The following OTULIN variants were observed in gnomAD, a reference collection of about 807,000 sequenced individuals.
The protein encoded by OTULIN is OTU deubiquitinase with linear linkage specificity.
Under a neutral mutation model 39.6 loss-of-function variants are expected in OTULIN, and 15 were observed. The ratio of observed to expected loss-of-function variants is 0.38; its 90% confidence interval spans 0.25 to 0.58. The LOEUF is 0.58. OTULIN is among the 20% of genes least tolerant of loss of function. OTULIN has a pLI of 0.66. For synonymous variants in OTULIN, 156 were observed against 170.3 expected (o/e 0.92, Z 0.65); for missense variants, 319 against 445.9 (o/e 0.72, Z 2.56).
At chr5:14,679,810 C>T (rs926318586) in intron 3 of OTULIN, among the ~76,000 whole-genome samples, 5 of 152,182 alleles carry the variant, frequency 3.3e-5, no homozygotes, top group African/African-American at 4.8e-5. Context: ...TATGTAGATG[C>T]TTTGTGTTTT....
At chr5:14,686,002 A>G (rs1467839632) in intron 4 of OTULIN, among the ~76,000 whole-genome samples, 1 of 152,156 alleles carries the variant, frequency 6.6e-6, no homozygotes, top group African/African-American at 2.4e-5. Flanking sequence ...GTGGGTGGTC[A>G]TTTGTTATTC....
At chr5:14,700,708 C>G (rs1164488570), downstream of OTULIN, among the ~76,000 whole-genome samples, 2 of 150,348 alleles carry the variant, frequency 1.3e-5, no homozygotes, top group Non-Finnish European at 3.0e-5. Flanking sequence ...TCACGGAGCT[C>G]TTGTGCATTT....
chr5:14,689,818 T>C (rs1042897992), intron 5 of OTULIN, among the ~76,000 whole-genome samples: 2 of 152,234 alleles, frequency 1.3e-5, no homozygotes, highest in Non-Finnish European at 1.5e-5. Flanking sequence ...GTGCTTCTTA[T>C]TGCATTGTAT....
At chr5:14,711,655 C>T in the OTULIN span, among the ~76,000 whole-genome samples, 1 of 152,192 alleles carries the variant, frequency 6.6e-6, no homozygotes, top group Non-Finnish European at 1.5e-5. Flanking sequence ...CTTCTCCTTC[C>T]TCCTCCCTAA....
intron 4 of OTULIN, among the ~76,000 whole-genome samples, chr5:14,685,471 T>C (rs1174530434): frequency 1.3e-5 from 2 of 152,272 alleles, no homozygotes; most frequent in Admixed American, 6.5e-5. Context: ...TTCCATGTGC[T>C]GTGACCTCTG....
chr5:14,677,522 C>G (rs1242368041), intron 2 of OTULIN, among the ~76,000 whole-genome samples: 1 of 152,202 alleles, frequency 6.6e-6, no homozygotes, highest in Non-Finnish European at 1.5e-5. Context: ...CTTCCTAAAA[C>G]ACACACACTA....
chr5:14,715,382 C>T, the OTULIN span, among the ~76,000 whole-genome samples: 8 of 152,118 alleles, frequency 5.3e-5, no homozygotes, highest in Admixed American at 3.9e-4. Context: ...CCACCTGCCT[C>T]GGACTACCAA....
In OTULIN at chr5:14,664,793, G is replaced by A. The variant is rs766959903; in HGVS notation, c.-33G>A. On this transcript the variant is annotated 5_prime_UTR_variant, in exon 1 of 7. Transcript: ENST00000284274. ...CGGGAGGGGCTCCGGATCGTTCGGA[G>A]CCGGCTGAACCCCTTCGGCCGCGAG... 12 of 1,189,600 alleles carry A rather than the reference G, an allele frequency of 1.0e-5. No homozygotes were observed. The highest frequency in any genetic ancestry group is 1.0e-5 in the Non-Finnish European group (10 of 959,224). The allele number at this position is 1,189,600 out of a possible 1,614,324, so 73.7% of individuals were successfully genotyped here.
the OTULIN span, among the ~76,000 whole-genome samples, chr5:14,711,633 A>ACCTGTAGACTGCT: frequency 6.6e-6 from 1 of 152,094 alleles, no homozygotes; most frequent in South Asian, 2.1e-4. Flanking sequence ...CCTCACAGTC[A>ACCTGTAGACTGCT]CCTGTAGACT....
intron 1 of OTULIN, among the ~76,000 whole-genome samples, chr5:14,667,671 A>T (rs918687772): frequency 2.6e-5 from 4 of 152,158 alleles, no homozygotes; most frequent in Non-Finnish European, 4.4e-5. Flanking sequence ...CACAGTGCCC[A>T]GTGATGAACT....
rs557974362 is a variant in OTULIN at position 14,678,615 on chromosome 5, T to C, written c.230-66T>C. ...TGAAGAGTGAAGGGTAACCCCCAAC[T>C]GAAGCAGTATTCTGATTATGCTTTG... On this transcript the variant is annotated intron_variant, in intron 2 of 6. Coordinates refer to ENST00000284274, the MANE Select transcript of OTULIN (RefSeq NM_138348.6). The C allele has an allele frequency of 8.4e-5, 95 of 1,128,616 alleles. 1 individual carries two copies. The South Asian group carries it at 1.6e-3, about 19-fold the overall frequency. The allele number at this position is 1,128,616 out of a possible 1,614,324, so 69.9% of individuals were successfully genotyped here. A position where few individuals can be genotyped will look rare whatever the true frequency, so the allele number is the denominator to read the frequency against.
At chr5:14,708,977 C>T in the OTULIN span, 1 of 152,054 alleles carries the variant, frequency 6.6e-6, no homozygotes, top group East Asian at 1.9e-4. Context: ...ACTACAACCT[C>T]TGCCTCCCAG....
rs758887008 is a variant in OTULIN, at chr5:14,693,869, T to A, written c.*821T>A. ...GGAGTCTGGGGCTTGGTGCAGGTGG[T>A]GCCCCATCAGTGTGGACAGACACTA... On this transcript the variant is annotated 3_prime_UTR_variant, in exon 7 of 7. Transcript: ENST00000284274. The A allele has an allele frequency of 1.3e-5, 2 of 152,242 alleles. No individual in the cohort carries two copies. The highest frequency in any genetic ancestry group is 2.9e-5 in the Non-Finnish European group (2 of 68,066). The allele number at this position is 152,242 out of a possible 1,614,324, so 9.4% of individuals were successfully genotyped here.
rs968096028 is a variant in OTULIN, at chr5:14,690,592, G to A, written c.864+284G>A. 3.3e-4 allele frequency among the ~76,000 whole-genome samples: 50 copies of A among 152,146 alleles called. No homozygotes were observed. The highest frequency in any genetic ancestry group is 1.2e-3 in the African/African-American group (49 of 41,432). ...AGGAGGGTTCAGTTCTTCACACATA[G>A]GCCTCCACAGGGCTGCTTGAGTGTC... is the stretch of plus-strand genomic sequence containing the variant. On this transcript the variant is annotated intron_variant, in intron 6 of 6. Transcript: ENST00000284274. The surrounding 1 kb of genome is among the most constrained non-coding windows in gnomAD (Gnocchi z 4.5).
At position 14,696,484 on chromosome 5, in the gene OTULIN, G is replaced by A. The variant is rs1736672499; in HGVS notation, c.*3436G>A. The A allele has an allele frequency of 6.6e-6, 1 of 152,184 alleles. No individual in the cohort carries two copies. The highest frequency in any genetic ancestry group is 1.5e-5 in the Non-Finnish European group (1 of 68,030). The allele number at this position is 152,184 out of a possible 1,614,324, so 9.4% of individuals were successfully genotyped here. ...AGAAAGCCCTCAGTGTGTGTGAAGT[G>A]AATGTGAAATGTGTGTGAAATACAT... On this transcript the variant is annotated 3_prime_UTR_variant, in exon 7 of 7. Transcript: ENST00000284274.
downstream of OTULIN, among the ~76,000 whole-genome samples, chr5:14,703,942 C>T (rs904919023): frequency 6.6e-6 from 1 of 152,136 alleles, no homozygotes; most frequent in Non-Finnish European, 1.5e-5. Context: ...TTACTGACTA[C>T]AGGTATGTAA....
chr5:14,682,599 T>G (rs989617247), intron 4 of OTULIN, among the ~76,000 whole-genome samples: 4 of 152,320 alleles, frequency 2.6e-5, no homozygotes, highest in African/African-American at 9.6e-5. Flanking sequence ...AGATTGGCCT[T>G]ATAGCAATTT....
At chr5:14,681,418 T>C in intron 3 of OTULIN, 46 bp from the exon 4 acceptor site, 1 of 1,552,238 alleles carries the variant, frequency 6.4e-7, no homozygotes, top group South Asian at 1.2e-5. Context: ...CTCTGCTATC[T>C]CAAGTCAGTA....
chr5:14,692,428 G>C (rs1736551371), intron 6 of OTULIN, among the ~76,000 whole-genome samples: 1 of 152,170 alleles, frequency 6.6e-6, no homozygotes, highest in African/African-American at 2.4e-5. Flanking sequence ...AGTCATTCTA[G>C]TGGGTGTGAA....
Sources: allele counts gnomAD v4.1 joint callset (sites outside exome capture counted in the v4.1 genomes callset), GRCh38; gene constraint gnomAD v4.1.1; non-coding constraint Gnocchi (gnomAD v3.1); transcripts MANE v1.5; gene names NCBI Gene and HGNC (gene_info 2026-07-23, HGNC 2026-07-21).